NF1: variants seen among roughly 807,000 people sequenced by gnomAD.
NF1 encodes neurofibromin 1.
Under a neutral mutation model 325.7 loss-of-function variants are expected in NF1, and 122 were observed. That is an observed-to-expected ratio of 0.37 (90% CI 0.32 to 0.44). The LOEUF is 0.44. Ranked by LOEUF, NF1 falls within the 20% of genes least tolerant of loss-of-function variation. NF1 has a pLI of 1.00. For synonymous variants in NF1, 1,091 were observed against 1,186.0 expected, an observed-to-expected ratio of 0.92 and a Z score of 1.65; for missense variants, 2,140 against 3,415.4, an observed-to-expected ratio of 0.63 and a Z score of 9.31.
intron 26 of NF1, 45 bp downstream of exon 26, chr17:31,232,926 A>ATCT: frequency 6.2e-7 from 1 of 1,613,732 alleles, no homozygotes; most frequent in Non-Finnish European, 8.5e-7. Context: ...AAACCTAGAG[A>ATCT]ACTGGCATGT....
At position 31,151,345 on chromosome 17, in the gene NF1, C is replaced by T. The variant is rs531458336; in HGVS notation, c.61-4638C>T. 5.3e-5 allele frequency among the ~76,000 whole-genome samples: 8 copies of T among 152,260 alleles called. No homozygotes were observed. In the East Asian group the frequency reaches 1.5e-3, roughly 29 times the overall value. The stretch of plus-strand genomic sequence containing the variant: ...TGGAATCATGTAAGGACACATTTCT[C>T]AGAACATACCCCATCACTAAATATA... On this transcript the variant is annotated intron_variant, in intron 1 of 57. Coordinates refer to ENST00000358273, the MANE Select transcript of NF1 (RefSeq NM_001042492.3).
At chr17:31,278,493 CTTTTTTTTTTTTTTTTTTTTTTTTTTT>C (rs200450821) in intron 36 of NF1, among the ~76,000 whole-genome samples, 2 of 15,340 alleles carry the variant, frequency 1.3e-4, no homozygotes, top group Non-Finnish European at 2.5e-4. Flanking sequence ...GTAATTGAAG[CTTTTTTTTTTTTTTTTTTTTTTTTTTT>C]TTTTTTTTTT....
intron 36 of NF1, among the ~76,000 whole-genome samples, chr17:31,302,008 T>C (rs1158524701): frequency 3.3e-5 from 5 of 152,232 alleles, no homozygotes; most frequent in Non-Finnish European, 5.9e-5. Context: ...TTTATTAGTT[T>C]GTATCTCTTC....
chr17:31,133,034 T>A (rs1035159278), intron 1 of NF1: 1 of 152,214 alleles, frequency 6.6e-6, no homozygotes, highest in Non-Finnish European at 1.5e-5. Flanking sequence ...TGTTCCTAAG[T>A]GTATAGTTCA....
At chr17:31,143,692 G>A (rs1916388984) in intron 1 of NF1, among the ~76,000 whole-genome samples, 1 of 152,078 alleles carries the variant, frequency 6.6e-6, no homozygotes, top group African/African-American at 2.4e-5. Context: ...TATTAAATTT[G>A]TGTGTGAATA....
At position 31,156,004 on chromosome 17, in the gene NF1, C is replaced by G. The variant is rs771764281; in HGVS notation, c.82C>G (p.Gln28Glu). 2 of 1,612,678 alleles carry G rather than the reference C, an allele frequency of 1.2e-6. No individual in the cohort carries two copies. Among genetic ancestry groups the G allele is most frequent in the South Asian group, 2.2e-5 (2 of 90,942 alleles). The change falls in exon 2 of 58, where the codon CAG becomes GAG. Residue 28 changes from glutamine to glutamate, a missense_variant. This residue lies in a region of NF1 where 246 missense variants were observed against 347.8 expected (regional missense o/e 0.71). Coordinates refer to ENST00000358273, the MANE Select transcript of NF1 (RefSeq NM_001042492.3). ...TCAGCTTCCAATAAAAACAGGACAG[C>G]AGAACACACATACCAAAGTCAGTAC... ...DEQLPIKTGQ[Q>E]NTHTKVSTEH...
intron 1 of NF1, among the ~76,000 whole-genome samples, chr17:31,142,640 G>A (rs1322870401): frequency 6.6e-6 from 1 of 152,024 alleles, no homozygotes; most frequent in Non-Finnish European, 1.5e-5. Context: ...GGCCAAGGTG[G>A]GCAGATCACG....
intron 30 of NF1, chr17:31,250,227 A>G: frequency 3.1e-6 from 1 of 321,062 alleles, no homozygotes; most frequent in South Asian, 3.5e-5. Context: ...AAAATCCTGT[A>G]TAGTTTTTTC....
chr17:31,365,933 ATT>A lies in NF1; in HGVS notation c.8377+5248_8377+5249del, dbSNP rs1219842483. ...AACAAGTAAATTCGTGATCTATTTAATTTTTTTTTTTTTTTTTTTGAGATGGA... is the reference window on the plus strand; with the variant it reads ...AACAAGTAAATTCGTGATCTATTTAATTTTTTTTTTTTTTTTTGAGATGGA... On this transcript the variant is annotated intron_variant, in intron 57 of 57. Coordinates refer to ENST00000358273, the MANE Select transcript of NF1 (RefSeq NM_001042492.3). 9.3e-3 allele frequency among the ~76,000 whole-genome samples: 1,298 copies of A among 139,902 alleles called. 14 individuals carry two copies. The highest frequency in any genetic ancestry group is 0.032 in the African/African-American group (1,196 of 37,894). The allele number at this position is 139,902 out of a possible 152,430, so 91.8% of individuals were successfully genotyped here.
chr17:31,189,722 T>C (rs1246010881), intron 8 of NF1, among the ~76,000 whole-genome samples: 1 of 152,088 alleles, frequency 6.6e-6, no homozygotes, highest in African/African-American at 2.4e-5. Context: ...TTTAAAAGTT[T>C]AGATTTTTAA....
Position 31,375,520 on chromosome 17 carries a change from A to G in NF1, c.*1365A>G, listed in dbSNP as rs2070719074. 4.3e-6 allele frequency: 1 copy of G among 231,598 alleles called. No homozygotes were observed. The allele number at this position is 231,598 out of a possible 1,614,324, so 14.3% of individuals were successfully genotyped here. A position where few individuals can be genotyped will look rare whatever the true frequency, so the allele number is the denominator to read the frequency against. ...AAAATAATTTGACTTCAGTGAGCAT[A>G]TTGGTATCTGGATGTTCCAATTTAG... is the stretch of plus-strand genomic sequence containing the variant. On this transcript the variant is annotated 3_prime_UTR_variant, in exon 58 of 58. Coordinates refer to ENST00000358273, the MANE Select transcript of NF1 (RefSeq NM_001042492.3).
At chr17:31,154,212 C>G (rs1344108872) in intron 1 of NF1, among the ~76,000 whole-genome samples, 1 of 151,824 alleles carries the variant, frequency 6.6e-6, no homozygotes, top group African/African-American at 2.4e-5. Context: ...TGTGCCACCA[C>G]GCTCGGCTAA....
intron 57 of NF1, among the ~76,000 whole-genome samples, chr17:31,371,897 A>C (rs548032361): frequency 1.3e-5 from 2 of 152,318 alleles, no homozygotes; most frequent in South Asian, 4.1e-4. Context: ...AAACCAGGCC[A>C]CGTGCTTACA....
rs2151601698 is a variant in NF1 at position 31,374,162 on chromosome 17, C to T, written c.*7C>T. 6.2e-7 allele frequency: 1 copy of T among 1,613,954 alleles called. No individual in the cohort carries two copies. The highest frequency in any genetic ancestry group is 8.5e-7 in the Non-Finnish European group (1 of 1,179,874). On this transcript the variant is annotated 3_prime_UTR_variant, in exon 58 of 58. Transcript: ENST00000358273. ...CATTAAGAAGATCGTGTGAAGCTTG[C>T]TTGCTTTCTTTTTTAAAATCAACTT...
intron 12 of NF1, among the ~76,000 whole-genome samples, chr17:31,209,670 C>T (rs2143933940): frequency 6.6e-6 from 1 of 152,160 alleles, no homozygotes; most frequent in East Asian, 1.9e-4. Context: ...CAGAGTCCCA[C>T]TCCGAGTCCC....
rs140731206 is a variant in NF1 at position 31,127,773 on chromosome 17, G to C, written c.61-28210G>C. Among the ~76,000 whole-genome samples the C allele has an allele frequency of 3.2e-3, 483 of 151,792 alleles. 8 individuals carry two copies. The highest frequency in any genetic ancestry group is 0.011 in the African/African-American group (454 of 41,396). ...CTGACTTATATCTAGATTCTTTGGG[G>C]TTATCTATGTAGACAGTGGATGATC... On this transcript the variant is annotated intron_variant, in intron 1 of 57. Coordinates refer to ENST00000358273, the MANE Select transcript of NF1 (RefSeq NM_001042492.3).
rs1567843930 is a variant in NF1, at chr17:31,219,095, G to T, written c.1618G>T (p.Glu540Ter). The change falls in exon 14 of 58, where the codon GAG becomes TAG. Residue 540 changes from glutamate to a stop codon, truncating the protein, a stop_gained. Coordinates refer to ENST00000358273, the MANE Select transcript of NF1 (RefSeq NM_001042492.3). LOFTEE classifies it high-confidence loss of function. ...VQLVPQSHMP[E>*]IAQEAMEALL... ...ACTGGTCCCTCAGTCACACATGCCA[G>T]AGATTGCTCAGGAAGCAATGGAGGT... 6.2e-7 allele frequency: 1 copy of T among 1,613,766 alleles called. No individual in the cohort carries two copies. The highest frequency in any genetic ancestry group is 8.5e-7 in the Non-Finnish European group (1 of 1,179,846).
intron 30 of NF1, chr17:31,251,150 G>A (rs1017556848): frequency 1.5e-5 from 3 of 199,792 alleles, no homozygotes; most frequent in Non-Finnish European, 3.1e-5. Flanking sequence ...ATTTCTTTTG[G>A]TTTGCTCTTT....
At chr17:31,217,544 C>T (rs1341823111) in intron 13 of NF1, among the ~76,000 whole-genome samples, 1 of 151,834 alleles carries the variant, frequency 6.6e-6, no homozygotes, top group Non-Finnish European at 1.5e-5. Flanking sequence ...ACCTCAAGCA[C>T]TCCGCCTGCC....
Sources: gnomAD v4.1 joint callset for allele counts (sites outside exome capture counted in the v4.1 genomes callset) on GRCh38, gnomAD v4.1.1 for gene constraint, gnomAD v4.1.1 regional missense constraint, MANE v1.5 for transcripts, NCBI Gene and HGNC (gene_info 2026-07-23, HGNC 2026-07-21) for gene names.